The following SORCS1 variants were observed in gnomAD, a reference collection of about 807,000 sequenced individuals.
The protein encoded by SORCS1 is VPS10 domain-containing receptor SorCS1.
SORCS1 carries 60 observed loss-of-function variants against 146.1 expected under a neutral mutation model. The ratio of observed to expected loss-of-function variants is 0.41; its 90% confidence interval spans 0.33 to 0.51. The LOEUF is 0.51. SORCS1 is among the 20% of genes least tolerant of loss of function. The probability of loss-of-function intolerance (pLI) is 0.21; values close to 1 mark genes in which losing one functional copy is unlikely to be tolerated. For missense variants in SORCS1, 1,352 were observed against 1,487.6 expected, an observed-to-expected ratio of 0.91 and a Z score of 1.50; for synonymous variants, 637 against 584.0, an observed-to-expected ratio of 1.09 and a Z score of -1.31.
chr10:106,736,689 G>A (rs17121352), intron 5 of SORCS1, among the ~76,000 whole-genome samples: 117,530 of 151,158 alleles, frequency 0.78, 46,646 homozygotes, highest in Non-Finnish European at 0.87. Flanking sequence ...TCTCGTCTGC[G>A]TCCAACACGG....
intron 15 of SORCS1, among the ~76,000 whole-genome samples, chr10:106,671,643 G>A (rs1851614566): frequency 6.6e-6 from 1 of 152,168 alleles, no homozygotes; most frequent in African/African-American, 2.4e-5. Flanking sequence ...TGGGTGCAGT[G>A]CTATGAAGGA....
At chr10:106,782,535 T>C (rs1860975191) in intron 3 of SORCS1, among the ~76,000 whole-genome samples, 1 of 152,196 alleles carries the variant, frequency 6.6e-6, no homozygotes, top group Non-Finnish European at 1.5e-5. Flanking sequence ...TGAGGAGTCA[T>C]TCAGTACCTC....
At chr10:106,827,268 A>C (rs760449671) in intron 3 of SORCS1, among the ~76,000 whole-genome samples, 21 of 146,244 alleles carry the variant, frequency 1.4e-4, no homozygotes, top group Non-Finnish European at 3.0e-4. Flanking sequence ...ACTATCATTG[A>C]TTACTCTGAG....
intron 2 of SORCS1, among the ~76,000 whole-genome samples, chr10:106,944,929 A>G (rs1226061274): frequency 1.7e-5 from 2 of 115,680 alleles, no homozygotes; most frequent in Admixed American, 2.5e-4. Context: ...TCTGTCACTC[A>G]GGCTGACATG....
chr10:106,799,212 C>A (rs912907441), intron 3 of SORCS1, among the ~76,000 whole-genome samples: 2 of 152,118 alleles, frequency 1.3e-5, no homozygotes, highest in African/African-American at 2.4e-5. Context: ...TTCCTTACAC[C>A]TTATACAAAA....
In SORCS1 at chr10:106,885,116, G is replaced by A. The variant is rs146409903; in HGVS notation, c.627-55443C>T. Among the ~76,000 whole-genome samples the A allele has an allele frequency of 2.2e-4, 33 of 152,194 alleles. 2 individuals are homozygous for A. In the East Asian group the frequency reaches 2.5e-3, roughly 12 times the overall value. Reference sequence around the variant, plus strand: ...ATGTTGTTTAGAATTTCTGTGGAAGGCTTTACAAAACAAGAAGGATATTGT... The same window carrying A: ...ATGTTGTTTAGAATTTCTGTGGAAGACTTTACAAAACAAGAAGGATATTGT... On this transcript the variant is annotated intron_variant, in intron 2 of 25. Coordinates refer to ENST00000263054, the MANE Select transcript of SORCS1 (RefSeq NM_052918.5).
chr10:106,609,197 C>T (rs946114644), intron 22 of SORCS1, among the ~76,000 whole-genome samples: 1 of 152,192 alleles, frequency 6.6e-6, no homozygotes, highest in African/African-American at 2.4e-5. Context: ...TACCTCCCTT[C>T]TCCAGACACT....
At chr10:107,007,033 A>G (rs1434767686) in intron 1 of SORCS1, among the ~76,000 whole-genome samples, 1 of 152,180 alleles carries the variant, frequency 6.6e-6, no homozygotes, top group Non-Finnish European at 1.5e-5. Flanking sequence ...TCCCGACTAG[A>G]CCTACGCTTA....
intron 24 of SORCS1, among the ~76,000 whole-genome samples, chr10:106,590,846 G>T (rs1845560506): frequency 6.6e-6 from 1 of 152,066 alleles, no homozygotes; most frequent in Admixed American, 6.6e-5. Context: ...ATAGAGATGG[G>T]ATTTCACCGT....
intron 8 of SORCS1, among the ~76,000 whole-genome samples, chr10:106,703,184 A>G (rs1854257937): frequency 6.6e-6 from 1 of 152,014 alleles, no homozygotes; most frequent in Non-Finnish European, 1.5e-5. Context: ...ATTTAAAAAA[A>G]AAAAAAATAA....
intron 1 of SORCS1, among the ~76,000 whole-genome samples, chr10:107,111,547 A>G (rs1199949298): frequency 6.6e-6 from 1 of 152,196 alleles, no homozygotes; most frequent in Non-Finnish European, 1.5e-5. Context: ...AAGATTTTTA[A>G]AAGTTGAAGA....
At chr10:106,883,074 C>G (rs1176557308) in intron 2 of SORCS1, among the ~76,000 whole-genome samples, 1 of 152,226 alleles carries the variant, frequency 6.6e-6, no homozygotes, top group Admixed American at 6.5e-5. Flanking sequence ...GTCCCAGCAT[C>G]TTTGGAGATA....
intron 1 of SORCS1, among the ~76,000 whole-genome samples, chr10:107,053,764 T>C (rs1238688048): frequency 1.3e-5 from 2 of 152,148 alleles, no homozygotes; most frequent in Non-Finnish European, 2.9e-5. Context: ...CTTGTGAAGA[T>C]TTTGCTTTCT....
chr10:106,934,029 G>T (rs1293220587), intron 2 of SORCS1, among the ~76,000 whole-genome samples: 1 of 150,614 alleles, frequency 6.6e-6, no homozygotes, highest in African/African-American at 2.4e-5. Flanking sequence ...AGGAGGCGGA[G>T]GTTGCAGTGA....
chr10:107,029,273 G>A (rs1473287355), intron 1 of SORCS1, among the ~76,000 whole-genome samples: 1 of 152,160 alleles, frequency 6.6e-6, no homozygotes, highest in Non-Finnish European at 1.5e-5. Flanking sequence ...AACACTGGGA[G>A]GATACCATAA....
At chr10:106,851,247 T>C (rs910691898) in intron 2 of SORCS1, among the ~76,000 whole-genome samples, 1 of 152,260 alleles carries the variant, frequency 6.6e-6, no homozygotes, top group African/African-American at 2.4e-5. Context: ...GACTTTGGTC[T>C]TGTATGTAAA....
chr10:106,944,899 T>TTTTTTTTTTTTTTTTTG (rs1589760145), intron 2 of SORCS1, among the ~76,000 whole-genome samples: 1 of 130,632 alleles, frequency 7.7e-6, no homozygotes, highest in East Asian at 2.4e-4. Flanking sequence ...TTTTTTTTTT[T>TTTTTTTTTTTTTTTTTG]TTTGGAGATG....
At chr10:106,802,779 G>A (rs1478070298) in intron 3 of SORCS1, among the ~76,000 whole-genome samples, 3 of 151,470 alleles carry the variant, frequency 2.0e-5, no homozygotes, top group Non-Finnish European at 3.0e-5. Context: ...AATTACAGGC[G>A]TGAGCCACCG....
rs150908605 is a variant in SORCS1 at position 106,858,274 on chromosome 10, T to A, written c.627-28601A>T. On this transcript the variant is annotated intron_variant, in intron 2 of 25. Coordinates refer to ENST00000263054, the MANE Select transcript of SORCS1 (RefSeq NM_052918.5). Reference sequence around the variant, plus strand: ...ATTTTTCTTCTCCTAATTATATCTTTATTCTGTGTTCTTGATGTTTCTAGT... The same window carrying A: ...ATTTTTCTTCTCCTAATTATATCTTAATTCTGTGTTCTTGATGTTTCTAGT... Among the ~76,000 whole-genome samples, 43 of 152,278 alleles carry A rather than the reference T, an allele frequency of 2.8e-4. No homozygotes were observed. The East Asian group carries it at 7.7e-3, about 27-fold the overall frequency.
Sources: gnomAD v4.1 joint callset for allele counts (sites outside exome capture counted in the v4.1 genomes callset) on GRCh38, gnomAD v4.1.1 for gene constraint, MANE v1.5 for transcripts, NCBI Gene and HGNC (gene_info 2026-07-23, HGNC 2026-07-21) for gene names.